ADAMTSL1: variants seen among roughly 807,000 people sequenced by gnomAD.
ADAMTSL1 encodes ADAMTS like 1, also known as ADAMTS-like protein 1.
ADAMTSL1 carries 126 observed loss-of-function variants against 201.8 expected under a neutral mutation model. That is an observed-to-expected ratio of 0.62 (90% CI 0.54 to 0.72). ADAMTSL1 has a LOEUF of 0.72. ADAMTSL1 is among the 30% of genes least tolerant of loss of function. The pLI is 0.00. For missense variants in ADAMTSL1, 2,679 were observed against 2,277.8 expected (o/e 1.18, Z -3.59); for synonymous variants, 1,121 against 903.4 (o/e 1.24, Z -4.32).
chr9:18,144,545 T>A (rs979334586), intron 1 of ADAMTSL1, among the ~76,000 whole-genome samples: 2 of 152,130 alleles, frequency 1.3e-5, no homozygotes, highest in Non-Finnish European at 2.9e-5. Flanking sequence ...CTTACACATA[T>A]GTAAAATTGG....
At chr9:18,668,160 TAAC>T (rs1829576658) in intron 9 of ADAMTSL1, among the ~76,000 whole-genome samples, 2 of 152,180 alleles carry the variant, frequency 1.3e-5, no homozygotes, top group African/African-American at 4.8e-5. Flanking sequence ...TTTAGAAAAG[TAAC>T]AACTTCTTAC....
Position 18,533,252 on chromosome 9 carries a change from G to A in ADAMTSL1, c.197G>A (p.Cys66Tyr), listed in dbSNP as rs749710247. 6.2e-7 allele frequency: 1 copy of A among 1,606,572 alleles called. No homozygotes were observed. Among genetic ancestry groups the A allele is most frequent in the Non-Finnish European group, 8.5e-7 (1 of 1,176,544 alleles). ...TTTTTCTTTTTGCAACTTAGGAGCT[G>A]TGAAGGAAGAAATATCCGATACAGA... ...SLRRCLSSKS[C>Y]EGRNIRYRTC... The change falls in exon 3 of 29, where the codon TGT (cysteine) becomes TAT (tyrosine). Residue 66 changes from cysteine to tyrosine, a missense_variant. Transcript: ENST00000380548.
chr9:17,975,436 G>A (rs1818406534), intron 1 of ADAMTSL1, among the ~76,000 whole-genome samples: 1 of 152,004 alleles, frequency 6.6e-6, no homozygotes, highest in African/African-American at 2.4e-5. Context: ...TCTTCTAGCT[G>A]TGTCTTCGCG....
intron 23 of ADAMTSL1, among the ~76,000 whole-genome samples, chr9:18,867,711 C>G (rs1221857680): frequency 6.6e-6 from 1 of 152,166 alleles, no homozygotes; most frequent in Non-Finnish European, 1.5e-5. Context: ...ACTGCAACCT[C>G]TGCCTCCTGA....
intron 1 of ADAMTSL1, among the ~76,000 whole-genome samples, chr9:17,945,852 A>C (rs1827446581): frequency 6.7e-6 from 1 of 149,158 alleles, no homozygotes; most frequent in Non-Finnish European, 1.5e-5. Context: ...GCTTTAGGAG[A>C]TATACCTAAT....
intron 23 of ADAMTSL1, among the ~76,000 whole-genome samples, chr9:18,835,004 G>A (rs908851384): frequency 2.2e-4 from 33 of 152,066 alleles, no homozygotes; most frequent in African/African-American, 7.7e-4. Context: ...TGACTTGCTC[G>A]AATCATAGGT....
At chr9:18,271,859 A>C (rs1209770309) in intron 2 of ADAMTSL1, among the ~76,000 whole-genome samples, 1 of 152,014 alleles carries the variant, frequency 6.6e-6, no homozygotes, top group Non-Finnish European at 1.5e-5. Flanking sequence ...CTCTTTAATG[A>C]TCGCCATTCT....
chr9:18,253,631 A>G (rs939545268), intron 2 of ADAMTSL1, among the ~76,000 whole-genome samples: 2 of 152,098 alleles, frequency 1.3e-5, no homozygotes, highest in Non-Finnish European at 2.9e-5. Flanking sequence ...GTCAGGGGAA[A>G]ATGCTTCTTT....
At chr9:18,114,477 TGCTAAAAAATAAG>T (rs1296411805) in intron 1 of ADAMTSL1, among the ~76,000 whole-genome samples, 2 of 151,932 alleles carry the variant, frequency 1.3e-5, no homozygotes, top group African/African-American at 2.4e-5. Flanking sequence ...GCAGCAATAA[TGCTAAAAAATAAG>T]GAAGGAGGGA....
intron 1 of ADAMTSL1, among the ~76,000 whole-genome samples, chr9:18,017,583 A>G (rs1022900345): frequency 1.3e-5 from 2 of 151,958 alleles, no homozygotes; most frequent in African/African-American, 2.4e-5. Flanking sequence ...TATAGCTCCA[A>G]TGATACGGTC....
chr9:18,609,806 G>A (rs778581648), intron 4 of ADAMTSL1, among the ~76,000 whole-genome samples: 16 of 152,176 alleles, frequency 1.1e-4, no homozygotes, highest in Non-Finnish European at 1.6e-4. Flanking sequence ...GAAATTCCAG[G>A]ATAGTGGTCA....
At chr9:18,485,869 C>T (rs1445744255) in intron 1 of ADAMTSL1, among the ~76,000 whole-genome samples, 1 of 152,126 alleles carries the variant, frequency 6.6e-6, no homozygotes, top group East Asian at 1.9e-4. Context: ...AGAAGGGAGG[C>T]CAAAAGTTTC....
intron 2 of ADAMTSL1, among the ~76,000 whole-genome samples, chr9:18,338,932 T>C (rs1190518767): frequency 6.6e-6 from 1 of 152,174 alleles, no homozygotes; most frequent in Non-Finnish European, 1.5e-5. Flanking sequence ...GATCCAACCA[T>C]GTTGCTGCAA....
intron 2 of ADAMTSL1, among the ~76,000 whole-genome samples, chr9:18,512,196 T>C (rs779725573): frequency 6.6e-5 from 10 of 152,188 alleles, no homozygotes; most frequent in Non-Finnish European, 1.2e-4. Flanking sequence ...CTAAATATAT[T>C]ACCAAGACTT....
intron 26 of ADAMTSL1, among the ~76,000 whole-genome samples, chr9:18,901,041 C>A (rs1829987427): frequency 6.6e-6 from 1 of 152,116 alleles, no homozygotes; most frequent in Admixed American, 6.6e-5. Flanking sequence ...CTCTTGCCTT[C>A]CTCTATGATT....
Position 18,908,125 on chromosome 9 carries a change from G to C in ADAMTSL1, c.5183-317G>C, listed in dbSNP as rs1024476491. 4 of 376,584 alleles carry C rather than the reference G, an allele frequency of 1.1e-5. No individual in the cohort carries two copies. In the Admixed American group the frequency reaches 1.6e-4, roughly 15 times the overall value. 23.3% of individuals were successfully genotyped at this position (376,584 alleles called of 1,614,324 possible). ...GAGAGGTGATCACCTAGGAGATGAGGTAATCCCAAGAAGATAGAGAAAACA... is the reference window on the plus strand; with the variant it reads ...GAGAGGTGATCACCTAGGAGATGAGCTAATCCCAAGAAGATAGAGAAAACA... On this transcript the variant is annotated intron_variant, in intron 28 of 28. Transcript: ENST00000380548.
chr9:18,705,584 C>T (rs1373971169), intron 13 of ADAMTSL1, among the ~76,000 whole-genome samples: 1 of 152,182 alleles, frequency 6.6e-6, no homozygotes, highest in African/African-American at 2.4e-5. Context: ...CAAAACCTCT[C>T]ATTTACAGTG....
At chr9:18,349,482 TG>T (rs2133015663) in intron 2 of ADAMTSL1, among the ~76,000 whole-genome samples, 1 of 152,298 alleles carries the variant, frequency 6.6e-6, no homozygotes, top group East Asian at 1.9e-4. Flanking sequence ...TCACACTTGT[TG>T]GGCTTTGGTT....
At chr9:18,875,248 C>A (rs1291450218) in intron 23 of ADAMTSL1, among the ~76,000 whole-genome samples, 3 of 151,890 alleles carry the variant, frequency 2.0e-5, no homozygotes, top group Admixed American at 6.6e-5. Flanking sequence ...GTTTCAATTT[C>A]ATTTAGTTCT....
Sources: allele counts gnomAD v4.1 joint callset (sites outside exome capture counted in the v4.1 genomes callset), GRCh38; gene constraint gnomAD v4.1.1; transcripts MANE v1.5; gene names NCBI Gene and HGNC (gene_info 2026-07-23, HGNC 2026-07-21).